CDHR3: variants seen among roughly 807,000 people sequenced by gnomAD.
CDHR3 encodes the protein cadherin-related family member 3.
Under a neutral mutation model 86.6 loss-of-function variants are expected in CDHR3, and 79 were observed. The observed-to-expected ratio is 0.91, with a 90% CI of 0.76 to 1.10. The LOEUF (loss-of-function observed/expected upper bound fraction) is 1.10, where lower values mean the gene tolerates loss of function less well. CDHR3 is among the 50% of genes least tolerant of loss of function. CDHR3 has a pLI of 0.00. For missense variants in CDHR3, 1,081 were observed against 1,077.6 expected (o/e 1.00, Z -0.04); for synonymous variants, 421 against 402.4 (o/e 1.05, Z -0.55).
At chr7:105,983,494 G>A (rs1830073467) in intron 3 of CDHR3, among the ~76,000 whole-genome samples, 1 of 152,122 alleles carries the variant, frequency 6.6e-6, no homozygotes, top group Non-Finnish European at 1.5e-5. Context: ...TGTATGTTAA[G>A]TCCTCAGCAC....
rs568719139 is a variant in CDHR3, at chr7:106,034,168, A to T, written c.*1471A>T. Among the ~76,000 whole-genome samples, 48 of 152,334 alleles carry T rather than the reference A, an allele frequency of 3.2e-4. 1 individual carries two copies. The highest frequency in any genetic ancestry group is 1.1e-3 in the African/African-American group (44 of 41,584). ...AAAACTCAGACTTCCACCTGTAGGC[A>T]TGAGCAATGAACTGGGAATAAATGG... On this transcript the variant is annotated 3_prime_UTR_variant, in exon 19 of 19. Coordinates refer to ENST00000317716, the MANE Select transcript of CDHR3 (RefSeq NM_152750.5).
intron 1 of CDHR3, among the ~76,000 whole-genome samples, chr7:105,969,253 G>A (rs2115605276): frequency 6.6e-6 from 1 of 150,620 alleles, no homozygotes; most frequent in South Asian, 2.1e-4. Flanking sequence ...AAAAAAATTA[G>A]CCGGGCGAGG....
intron 4 of CDHR3, among the ~76,000 whole-genome samples, chr7:105,989,226 C>CCACA (rs1485900649): frequency 1.4e-5 from 2 of 144,054 alleles, no homozygotes; most frequent in African/African-American, 5.2e-5. Flanking sequence ...ACCCCCCCAC[C>CCACA]TCTTCTCCAC....
In CDHR3 at chr7:106,018,090, G is replaced by C. The variant is rs1333370145; in HGVS notation, c.1653+18G>C. On this transcript the variant is annotated intron_variant, in intron 12 of 18. Transcript: ENST00000317716. ...CTGTCACTGTGAGTGGTGCTGCTTG[G>C]TATAGTGCCGGTAACCCAACTGGTT... 6.2e-7 allele frequency: 1 copy of C among 1,604,476 alleles called. No homozygotes were observed. Among genetic ancestry groups the C allele is most frequent in the African/African-American group, 1.3e-5 (1 of 74,822 alleles).
At chr7:106,031,513 A>G (rs1218896551) in intron 18 of CDHR3, among the ~76,000 whole-genome samples, 2 of 152,222 alleles carry the variant, frequency 1.3e-5, no homozygotes, top group African/African-American at 4.8e-5. Context: ...CTCATATGCA[A>G]ACGGCACCGG....
intron 4 of CDHR3, 41 bp downstream of exon 4, chr7:105,984,330 T>C (rs750730499): frequency 6.6e-7 from 1 of 1,515,066 alleles, no homozygotes; most frequent in Non-Finnish European, 9.1e-7. Flanking sequence ...TTGTCCGTGT[T>C]GGGTTAGACA....
intron 4 of CDHR3, among the ~76,000 whole-genome samples, chr7:105,986,230 T>C (rs1165093718): frequency 1.3e-5 from 2 of 152,236 alleles, no homozygotes; most frequent in African/African-American, 4.8e-5. Flanking sequence ...ATGGCCACTT[T>C]TGCTTACTGA....
rs1563308030 is a variant in CDHR3, at chr7:106,026,671, T to C, written c.2259-11T>C. The C allele has an allele frequency of 6.2e-6, 10 of 1,613,494 alleles. No homozygotes were observed. The highest frequency in any genetic ancestry group is 1.3e-5 in the African/African-American group (1 of 74,868). ...CAAGTGAATTAATAGCCATTCTTTT[T>C]CCCCCCATAGGACAAAGAAAGGAGG... is the stretch of plus-strand genomic sequence containing the variant. On this transcript the variant is annotated splice_polypyrimidine_tract_variant and intron_variant, in intron 15 of 18. Transcript: ENST00000317716.
At chr7:106,002,618 T>A (rs905277910) in intron 7 of CDHR3, among the ~76,000 whole-genome samples, 2 of 152,146 alleles carry the variant, frequency 1.3e-5, no homozygotes, top group African/African-American at 4.8e-5. Flanking sequence ...AAGGCAGGTG[T>A]GTAAGGATGG....
At chr7:106,019,716 T>C (rs1306417287) in intron 12 of CDHR3, among the ~76,000 whole-genome samples, 6 of 152,196 alleles carry the variant, frequency 3.9e-5, no homozygotes, top group Non-Finnish European at 4.4e-5. Flanking sequence ...ACAGTGCTAA[T>C]AGCCCAGGTT....
At chr7:106,031,468 A>G (rs544949903) in intron 18 of CDHR3, among the ~76,000 whole-genome samples, 1 of 152,278 alleles carries the variant, frequency 6.6e-6, no homozygotes, top group Admixed American at 6.5e-5. Context: ...AAGGAAACCA[A>G]ATTCAGGAGG....
intron 11 of CDHR3, among the ~76,000 whole-genome samples, chr7:106,017,323 G>A (rs549807461): frequency 9.0e-4 from 137 of 152,160 alleles, no homozygotes; most frequent in African/African-American, 3.0e-3. Flanking sequence ...TTGGGAGGCC[G>A]AGCTGGGCGG....
intron 12 of CDHR3, among the ~76,000 whole-genome samples, chr7:106,019,978 A>C (rs1449262288): frequency 6.6e-6 from 1 of 152,046 alleles, no homozygotes; most frequent in Non-Finnish European, 1.5e-5. Flanking sequence ...GTAAATCCAC[A>C]CCTTCCTGGA....
intron 1 of CDHR3, among the ~76,000 whole-genome samples, chr7:105,965,567 A>ACCCG (rs1554507724): frequency 1.3e-5 from 1 of 78,194 alleles, no homozygotes; most frequent in African/African-American, 3.9e-5. Context: ...CTCAAGCCCC[A>ACCCG]CCCCCCCCCA....
intron 4 of CDHR3, among the ~76,000 whole-genome samples, chr7:105,992,252 C>T (rs547918169): frequency 1.1e-4 from 17 of 152,294 alleles, no homozygotes; most frequent in South Asian, 6.2e-4. Flanking sequence ...TGTGGAAGGA[C>T]GCCCTGATTC....
intron 9 of CDHR3, 56 bp from the exon 10 acceptor site, chr7:106,015,055 G>A (rs1273085863): frequency 1.8e-5 from 25 of 1,393,964 alleles, no homozygotes; most frequent in Non-Finnish European, 2.5e-5. Flanking sequence ...GTCTCTCGCA[G>A]CCCAATAAAT....
intron 8 of CDHR3, among the ~76,000 whole-genome samples, chr7:106,010,953 A>G (rs1042893113): frequency 1.3e-5 from 2 of 152,254 alleles, no homozygotes; most frequent in African/African-American, 4.8e-5. Context: ...GACATAGGAC[A>G]GGAATGAGCC....
At position 106,033,272 on chromosome 7, in the gene CDHR3, T is replaced by C. The variant is rs969124709; in HGVS notation, c.*575T>C. On this transcript the variant is annotated 3_prime_UTR_variant, in exon 19 of 19. Coordinates refer to ENST00000317716, the MANE Select transcript of CDHR3 (RefSeq NM_152750.5). Reference sequence around the variant, plus strand: ...AGTAGGCACCTTCTTTTGTTTTTTCTTGTGGTGTCCGGATCAGCATCCTGC... The same window carrying C: ...AGTAGGCACCTTCTTTTGTTTTTTCCTGTGGTGTCCGGATCAGCATCCTGC... 3 of 153,570 alleles carry C rather than the reference T, an allele frequency of 2.0e-5. No homozygotes were observed. Among genetic ancestry groups the C allele is most frequent in the Non-Finnish European group, 4.3e-5 (3 of 68,988 alleles). The allele number at this position is 153,570 out of a possible 1,614,324, so 9.5% of individuals were successfully genotyped here.
chr7:106,024,523 GAC>G lies in CDHR3; in HGVS notation c.2222_2223del (p.His741LeufsTer37), dbSNP rs765857564. On this transcript the variant is annotated frameshift_variant, in exon 15 of 19. Coordinates refer to ENST00000317716, the MANE Select transcript of CDHR3 (RefSeq NM_152750.5). LOFTEE classifies it high-confidence loss of function. ...GTCCTATTGGCCAAAGCCATCCACA[GAC>G]ACTGCCCCTGCAAGACTGGGAAGAA... 1 of 1,614,066 alleles carries G rather than the reference GAC, an allele frequency of 6.2e-7. No homozygotes were observed. The highest frequency in any genetic ancestry group is 1.1e-5 in the South Asian group (1 of 91,090).
Sources: allele counts gnomAD v4.1 joint callset (sites outside exome capture counted in the v4.1 genomes callset), GRCh38; gene constraint gnomAD v4.1.1; transcripts MANE v1.5; gene names NCBI Gene and HGNC (gene_info 2026-07-23, HGNC 2026-07-21).